The following RPGRIP1L variants were observed in gnomAD, a reference collection of about 807,000 sequenced individuals.
RPGRIP1L encodes protein fantom.
A neutral mutation model predicts 160.4 loss-of-function variants in RPGRIP1L; 131 were observed. That is an observed-to-expected ratio of 0.82 (90% CI 0.71 to 0.94). RPGRIP1L has a LOEUF of 0.94. Ranked by LOEUF, RPGRIP1L falls within the 40% of genes least tolerant of loss-of-function variation. RPGRIP1L has a pLI of 0.00. For synonymous variants in RPGRIP1L, 510 were observed against 515.8 expected, an observed-to-expected ratio of 0.99 and a Z score of 0.15; for missense variants, 1,522 against 1,535.8, an observed-to-expected ratio of 0.99 and a Z score of 0.15.
chr16:53,671,361 C>T (rs1293820368), intron 9 of RPGRIP1L, 149 bp downstream of exon 9: 1 of 595,934 alleles, frequency 1.7e-6, no homozygotes, highest in Non-Finnish European at 3.0e-6. Flanking sequence ...CTTTAAAAAG[C>T]TTGTATTTCC....
intron 8 of RPGRIP1L, among the ~76,000 whole-genome samples, chr16:53,672,336 C>T (rs377215681): frequency 1.3e-4 from 20 of 152,126 alleles, no homozygotes; most frequent in East Asian, 1.2e-3. Context: ...AAGATTCTCC[C>T]AAGATCAGAA....
At chr16:53,671,032 G>A (rs1000247094) in intron 9 of RPGRIP1L, among the ~76,000 whole-genome samples, 3 of 152,158 alleles carry the variant, frequency 2.0e-5, no homozygotes, top group African/African-American at 4.8e-5. Context: ...AGGAAGTTGA[G>A]GCTGCAGTGA....
Position 53,657,609 on chromosome 16 carries a change from T to C in RPGRIP1L, c.1425A>G (p.Gly475=). The change falls in exon 13 of 27, where the codon GGA becomes GGG. Residue 475 remains glycine (G), a synonymous_variant. Coordinates refer to ENST00000647211, the MANE Select transcript of RPGRIP1L (RefSeq NM_015272.5). ...CTACTTTCACTAAAAAGGAAAGGTC[T>C]CCATTTTTTTGTTCTTTTTGAGCCT... ...LIKAQKEQKN[G]DLSFLVKVDS... is the part of the protein sequence containing the mutation. 1 of 1,590,222 alleles carries C rather than the reference T, an allele frequency of 6.3e-7. No individual in the cohort carries two copies. The highest frequency in any genetic ancestry group is 1.7e-5 in the Admixed American group (1 of 58,232).
In RPGRIP1L at chr16:53,660,829, G is replaced by A. The variant is rs1252183724; in HGVS notation, c.1244-1951C>T. On this transcript the variant is annotated intron_variant, in intron 10 of 26. Coordinates refer to ENST00000647211, the MANE Select transcript of RPGRIP1L (RefSeq NM_015272.5). ...AATTGCTTGAACCCAGGAGGCAGAG[G>A]TTGCTGTGAGCCGAGATTGCGCCAC... 2.6e-5 allele frequency among the ~76,000 whole-genome samples: 4 copies of A among 151,058 alleles called. No individual in the cohort carries two copies. In the East Asian group the frequency reaches 5.9e-4, roughly 22 times the overall value.
At chr16:53,626,293 A>G (rs1356440154) in intron 22 of RPGRIP1L, among the ~76,000 whole-genome samples, 1 of 152,112 alleles carries the variant, frequency 6.6e-6, no homozygotes, top group African/African-American at 2.4e-5. Context: ...GAATTACTAG[A>G]GCAACATGAC....
intron 22 of RPGRIP1L, among the ~76,000 whole-genome samples, chr16:53,629,800 C>T (rs1965407357): frequency 1.3e-5 from 2 of 152,256 alleles, no homozygotes; most frequent in South Asian, 4.1e-4. Flanking sequence ...TGGTATTCAA[C>T]TGTGCCCTTG....
intron 10 of RPGRIP1L, among the ~76,000 whole-genome samples, chr16:53,663,554 A>T (rs987632898): frequency 2.0e-5 from 3 of 152,102 alleles, no homozygotes; most frequent in Non-Finnish European, 4.4e-5. Context: ...TAATTTATTG[A>T]GCAATTACTA....
At chr16:53,682,741 G>T (rs1969702814) in intron 6 of RPGRIP1L, among the ~76,000 whole-genome samples, 1 of 152,168 alleles carries the variant, frequency 6.6e-6, no homozygotes, top group Non-Finnish European at 1.5e-5. Flanking sequence ...ATTCAGTGTT[G>T]AGAGGTCTGG....
chr16:53,700,841 A>G, intron 1 of RPGRIP1L, 111 bp from the exon 2 acceptor site: 1 of 772,576 alleles, frequency 1.3e-6, no homozygotes, highest in Non-Finnish European at 2.3e-6. Context: ...TGGGCATCTT[A>G]TTGTCCACAT....
intron 22 of RPGRIP1L, among the ~76,000 whole-genome samples, chr16:53,625,624 C>G (rs1036956272): frequency 6.6e-6 from 1 of 152,182 alleles, no homozygotes; most frequent in Admixed American, 6.5e-5. Context: ...TGCCCAGCCG[C>G]CACCCCGTCT....
At chr16:53,656,414 A>G in intron 14 of RPGRIP1L, 58 bp downstream of exon 14, 1 of 1,070,068 alleles carries the variant, frequency 9.3e-7, no homozygotes. Flanking sequence ...GACATTATCA[A>G]CTGTTATAAA....
intron 6 of RPGRIP1L, among the ~76,000 whole-genome samples, chr16:53,683,461 G>A (rs533769300): frequency 8.1e-4 from 123 of 152,228 alleles, no homozygotes; most frequent in African/African-American, 2.9e-3. Context: ...ATTTTTGTTA[G>A]GTGTGATAAT....
intron 25 of RPGRIP1L, among the ~76,000 whole-genome samples, chr16:53,610,686 C>A (rs935623094): frequency 6.6e-6 from 1 of 152,192 alleles, no homozygotes; most frequent in Non-Finnish European, 1.5e-5. Context: ...ACAGTCTTTA[C>A]AACTACAGGA....
In RPGRIP1L at chr16:53,641,282, C is replaced by T. The variant is rs1449955106; in HGVS notation, c.2874+3G>A. 10 of 1,613,192 alleles carry T rather than the reference C, an allele frequency of 6.2e-6. No homozygotes were observed. The South Asian group carries it at 9.9e-5, about 16-fold the overall frequency. Reference sequence around the variant, plus strand: ...AAAAAAATTAAAAGTCACTGATACTCACTAAAACTAGTGTGCTAACAGAGG... The same window carrying T: ...AAAAAAATTAAAAGTCACTGATACTTACTAAAACTAGTGTGCTAACAGAGG... On this transcript the variant is annotated splice_donor_region_variant and intron_variant, in intron 18 of 26. Transcript: ENST00000647211.
Position 53,696,410 on chromosome 16 carries a change from C to T in RPGRIP1L, c.86-115G>A, listed in dbSNP as rs142236445. ...CTGAGATTTTTTCCTTTGTGACCTA[C>T]AGTTAAGATTGCTTTAGAAAATGTT... On this transcript the variant is annotated intron_variant, in intron 2 of 26. Coordinates refer to ENST00000647211, the MANE Select transcript of RPGRIP1L (RefSeq NM_015272.5). 1.4e-3 allele frequency: 1,405 copies of T among 1,010,048 alleles called. 1 individual carries two copies. Among genetic ancestry groups the T allele is most frequent in the Non-Finnish European group, 1.8e-3 (1,190 of 648,138 alleles). 62.6% of individuals were successfully genotyped at this position (1,010,048 alleles called of 1,614,324 possible).
intron 22 of RPGRIP1L, among the ~76,000 whole-genome samples, chr16:53,625,775 G>C (rs950967138): frequency 3.3e-5 from 5 of 152,190 alleles, no homozygotes; most frequent in African/African-American, 1.2e-4. Context: ...AGACATAGGA[G>C]ACTCCATTTT....
intron 22 of RPGRIP1L, among the ~76,000 whole-genome samples, chr16:53,631,839 T>C (rs1021262646): frequency 6.6e-6 from 1 of 152,204 alleles, no homozygotes; most frequent in African/African-American, 2.4e-5. Flanking sequence ...TTGCGCTATG[T>C]GGCACTTTGA....
chr16:53,607,837 G>A, intron 25 of RPGRIP1L: 1 of 270,180 alleles, frequency 3.7e-6, no homozygotes, highest in Non-Finnish European at 5.7e-6. Flanking sequence ...GAAAAGGGAG[G>A]AAAAGTACAC....
At chr16:53,631,530 CA>C (rs1160423276) in intron 22 of RPGRIP1L, among the ~76,000 whole-genome samples, 1 of 152,064 alleles carries the variant, frequency 6.6e-6, no homozygotes, top group Non-Finnish European at 1.5e-5. Flanking sequence ...AGAAATAATG[CA>C]AAAGATGGAT....
Sources: gnomAD v4.1 joint callset for allele counts (sites outside exome capture counted in the v4.1 genomes callset) on GRCh38, gnomAD v4.1.1 for gene constraint, MANE v1.5 for transcripts, NCBI Gene and HGNC (gene_info 2026-07-23, HGNC 2026-07-21) for gene names.